Variants in DLG2 observed in about 807,000 individuals in gnomAD.
DLG2 encodes the protein disks large homolog 2.
In DLG2, 45 loss-of-function variants were observed where a neutral mutation model predicts 132.5. That is an observed-to-expected ratio of 0.34 (90% CI 0.27 to 0.44). The LOEUF (loss-of-function observed/expected upper bound fraction) is 0.44, where lower values mean the gene tolerates loss of function less well. DLG2 is among the 20% of genes least tolerant of loss of function. DLG2 has a pLI of 1.00. For missense variants in DLG2, 1,045 were observed against 1,196.9 expected (o/e 0.87, Z 1.87); for synonymous variants, 424 against 419.6 (o/e 1.01, Z -0.13).
intron 21 of DLG2, among the ~76,000 whole-genome samples, chr11:83,503,390 T>G (rs377757255): frequency 4.6e-5 from 2 of 43,490 alleles, no homozygotes; most frequent in Non-Finnish European, 9.6e-5. Flanking sequence ...TATATATATA[T>G]ATATATATAT....
rs568177175 is a variant in DLG2, at chr11:83,506,198, C to T, written c.2194-21970G>A. 5.3e-5 allele frequency among the ~76,000 whole-genome samples: 8 copies of T among 152,288 alleles called. No homozygotes were observed. The East Asian group carries it at 1.4e-3, about 26-fold the overall frequency. On this transcript the variant is annotated intron_variant, in intron 21 of 27. Coordinates refer to ENST00000376104, the MANE Select transcript of DLG2 (RefSeq NM_001142699.3). ...TTGGTCCTAGAATTTCCAGCTCGCTCACAGTGGGCCATCTTTTAATCCATA... is the reference window on the plus strand; with the variant it reads ...TTGGTCCTAGAATTTCCAGCTCGCTTACAGTGGGCCATCTTTTAATCCATA...
intron 7 of DLG2, among the ~76,000 whole-genome samples, chr11:84,316,236 C>T (rs932099555): frequency 1.1e-4 from 16 of 152,092 alleles, no homozygotes; most frequent in African/African-American, 3.6e-4. Context: ...AAATTAAGTG[C>T]TTAATTCTTT....
rs148111139 is a variant in DLG2, at chr11:84,740,156, A to C, written c.358-205425T>G. ...AGAAAAACAGTTAACATTTTACTGG[A>C]GTGCCAAAGGGAAATGGCTGCAGTA... On this transcript the variant is annotated intron_variant, in intron 6 of 27. Transcript: ENST00000376104. Among the ~76,000 whole-genome samples, 110 of 152,084 alleles carry C rather than the reference A, an allele frequency of 7.2e-4. 1 individual carries two copies. In the East Asian group the frequency reaches 0.01, roughly 14 times the overall value.
chr11:84,720,220 A>T, intron 6 of DLG2: 2 of 967,378 alleles, frequency 2.1e-6, no homozygotes, highest in Non-Finnish European at 2.5e-6. Flanking sequence ...AGGCAGACAT[A>T]AACAAGCAAC....
chr11:84,121,541 A>ATTTTTTTTTTTTTTTT (rs869183421), intron 9 of DLG2, among the ~76,000 whole-genome samples: 14 of 66,670 alleles, frequency 2.1e-4, no homozygotes, highest in Non-Finnish European at 3.1e-4. Flanking sequence ...TTCCTTGCTA[A>ATTTTTTTTTTTTTTTT]TTTTTTTTTT....
intron 6 of DLG2, among the ~76,000 whole-genome samples, chr11:85,007,095 T>C (rs625495): frequency 0.71 from 107,416 of 152,042 alleles, 38,951 homozygotes; most frequent in East Asian, 0.92. Context: ...TGAAACTCCG[T>C]GAATTAGAAG....
At chr11:85,605,981 G>GA (rs1038787608) in intron 2 of DLG2, among the ~76,000 whole-genome samples, 42 of 142,220 alleles carry the variant, frequency 3.0e-4, no homozygotes, top group African/African-American at 2.8e-4. Context: ...CTGTCTCAAA[G>GA]AAAAAAAAAA....
intron 7 of DLG2, among the ~76,000 whole-genome samples, chr11:84,454,986 T>C (rs1387973989): frequency 6.6e-6 from 1 of 151,476 alleles, no homozygotes; most frequent in Non-Finnish European, 1.5e-5. Context: ...TTATGCCAAT[T>C]ATTCTTCAAT....
chr11:83,710,199 G>C (rs1274924211), intron 18 of DLG2, among the ~76,000 whole-genome samples: 1 of 150,250 alleles, frequency 6.7e-6, no homozygotes, highest in East Asian at 1.9e-4. Flanking sequence ...GTGTTATTCT[G>C]TTGCCCAGTC....
intron 4 of DLG2, among the ~76,000 whole-genome samples, chr11:85,266,714 G>C (rs535928223): frequency 6.6e-6 from 1 of 152,224 alleles, no homozygotes; most frequent in African/African-American, 2.4e-5. Flanking sequence ...GTAGGCTTCT[G>C]GGCAATCAAT....
chr11:84,905,192 G>A (rs1040395347), intron 6 of DLG2, among the ~76,000 whole-genome samples: 1 of 152,070 alleles, frequency 6.6e-6, no homozygotes, highest in Non-Finnish European at 1.5e-5. Flanking sequence ...AAAAATTCAG[G>A]CATGACCTGA....
intron 3 of DLG2, among the ~76,000 whole-genome samples, chr11:85,340,129 C>T (rs542390577): frequency 3.6e-4 from 55 of 152,222 alleles, no homozygotes; most frequent in South Asian, 6.2e-4. Flanking sequence ...CCCAGCAATC[C>T]CATTACTTGG....
intron 12 of DLG2, among the ~76,000 whole-genome samples, chr11:83,968,558 A>G (rs968931152): frequency 4.6e-5 from 7 of 152,248 alleles, no homozygotes; most frequent in Non-Finnish European, 1.0e-4. Context: ...GTAAACACAT[A>G]TAGCCCATAT....
intron 6 of DLG2, among the ~76,000 whole-genome samples, chr11:84,999,856 G>T (rs1469022956): frequency 6.6e-6 from 1 of 152,054 alleles, no homozygotes; most frequent in Non-Finnish European, 1.5e-5. Flanking sequence ...AGGTAAGGGG[G>T]AAATAAACCT....
chr11:85,294,160 T>G (rs1323043546), intron 3 of DLG2, among the ~76,000 whole-genome samples: 1 of 152,082 alleles, frequency 6.6e-6, no homozygotes, highest in Non-Finnish European at 1.5e-5. Flanking sequence ...TATAGAGACA[T>G]GCATATATAG....
At chr11:84,028,661 C>G (rs1398063676) in intron 11 of DLG2, among the ~76,000 whole-genome samples, 1 of 152,122 alleles carries the variant, frequency 6.6e-6, no homozygotes, top group African/African-American at 2.4e-5. Context: ...ACCATGGCCT[C>G]CTGCCTATTA....
At chr11:83,688,077 T>C (rs1467730005) in intron 18 of DLG2, among the ~76,000 whole-genome samples, 1 of 151,934 alleles carries the variant, frequency 6.6e-6, no homozygotes, top group East Asian at 1.9e-4. Flanking sequence ...GAAGAAGCTG[T>C]GCTCTCAATC....
At chr11:85,483,624 T>C (rs1216785455) in intron 3 of DLG2, among the ~76,000 whole-genome samples, 1 of 152,126 alleles carries the variant, frequency 6.6e-6, no homozygotes, top group East Asian at 1.9e-4. Flanking sequence ...CTTATAACTT[T>C]AGTATGAAGG....
chr11:84,762,155 C>A (rs1411477505), intron 6 of DLG2: 1 of 152,032 alleles, frequency 6.6e-6, no homozygotes, highest in Non-Finnish European at 1.5e-5. Context: ...TCATATGCAA[C>A]CTTCATATTT....
Sources: allele counts gnomAD v4.1 joint callset (sites outside exome capture counted in the v4.1 genomes callset), GRCh38; gene constraint gnomAD v4.1.1; transcripts MANE v1.5; gene names NCBI Gene and HGNC (gene_info 2026-07-23, HGNC 2026-07-21).